Variants in GPC5 observed in about 807,000 individuals in gnomAD.
The protein encoded by GPC5 is glypican 5, also known as glypican-5.
GPC5 carries 47 observed loss-of-function variants against 53.9 expected under a neutral mutation model. That is an observed-to-expected ratio of 0.87 (90% CI 0.69 to 1.11). The LOEUF is 1.11. GPC5 is among the 50% of genes most tolerant of loss of function. GPC5 has a pLI of 0.00. For synonymous variants in GPC5, 286 were observed against 263.3 expected (o/e 1.09, Z -0.84); for missense variants, 748 against 713.1 (o/e 1.05, Z -0.56).
At chr13:92,727,073 T>C (rs891773777) in intron 7 of GPC5, among the ~76,000 whole-genome samples, 3 of 151,454 alleles carry the variant, frequency 2.0e-5, no homozygotes, top group Non-Finnish European at 4.4e-5. Context: ...ACAAAAGGCA[T>C]GGGATATCTG....
intron 7 of GPC5, among the ~76,000 whole-genome samples, chr13:92,167,861 C>T (rs1041795116): frequency 1.5e-4 from 19 of 125,820 alleles, no homozygotes; most frequent in Middle Eastern, 4.4e-3. Context: ...CAGTTTTCAA[C>T]TTAGGACCAA....
chr13:92,364,699 C>T (rs1307269953), intron 7 of GPC5, among the ~76,000 whole-genome samples: 2 of 151,778 alleles, frequency 1.3e-5, no homozygotes, highest in East Asian at 3.9e-4. Flanking sequence ...CACTGCACTC[C>T]AGTCTGGGTG....
At chr13:92,516,137 C>T (rs1880767636) in intron 7 of GPC5, among the ~76,000 whole-genome samples, 2 of 152,148 alleles carry the variant, frequency 1.3e-5, no homozygotes, top group African/African-American at 4.8e-5. Context: ...CTAATAGTAC[C>T]ATTTTGTTAG....
chr13:91,731,328 C>T (rs925428759), intron 4 of GPC5, among the ~76,000 whole-genome samples: 8 of 152,058 alleles, frequency 5.3e-5, no homozygotes, highest in East Asian at 1.9e-4. Flanking sequence ...GCCAAATAGG[C>T]GAGGTAAGTA....
At chr13:92,695,832 C>A (rs1887541136) in intron 7 of GPC5, among the ~76,000 whole-genome samples, 1 of 151,898 alleles carries the variant, frequency 6.6e-6, no homozygotes, top group African/African-American at 2.4e-5. Context: ...GGTATTTCTC[C>A]TGTTATTATC....
At chr13:91,857,882 A>G (rs1487645576) in intron 5 of GPC5, among the ~76,000 whole-genome samples, 1 of 151,578 alleles carries the variant, frequency 6.6e-6, no homozygotes, top group Non-Finnish European at 1.5e-5. Context: ...AGATCACTAT[A>G]TGGATTTGTC....
At chr13:91,797,335 C>A (rs985316052) in intron 5 of GPC5, among the ~76,000 whole-genome samples, 1 of 152,052 alleles carries the variant, frequency 6.6e-6, no homozygotes, top group Non-Finnish European at 1.5e-5. Context: ...AAAGTAGTGG[C>A]ATTTTTGTTG....
chr13:91,637,549 A>T (rs1374082619), intron 2 of GPC5, among the ~76,000 whole-genome samples: 1 of 152,222 alleles, frequency 6.6e-6, no homozygotes, highest in African/African-American at 2.4e-5. Flanking sequence ...GGAAAGAACA[A>T]GAAGTGATAG....
At chr13:92,655,403 C>T (rs1039299693) in intron 7 of GPC5, among the ~76,000 whole-genome samples, 1 of 151,858 alleles carries the variant, frequency 6.6e-6, no homozygotes, top group Non-Finnish European at 1.5e-5. Flanking sequence ...GGCACAATCT[C>T]GACTCACTGC....
In GPC5 at chr13:92,067,845, TA is replaced by T. The variant is rs1469539231; in HGVS notation, c.1402-76981del. On this transcript the variant is annotated intron_variant, in intron 6 of 7. Transcript: ENST00000377067. ...TAACCACATGTATAAACACACAGTA[TA>T]AAAGCACATATAAGGACATATACCA... 2.6e-5 allele frequency among the ~76,000 whole-genome samples: 4 copies of T among 152,100 alleles called. No homozygotes were observed. In the East Asian group the frequency reaches 7.7e-4, roughly 29 times the overall value.
At chr13:92,702,896 T>C (rs1288871048) in intron 7 of GPC5, among the ~76,000 whole-genome samples, 1 of 151,532 alleles carries the variant, frequency 6.6e-6, no homozygotes, top group Admixed American at 6.6e-5. Context: ...TCTCCTTGGC[T>C]CCCCCAACCC....
rs1353150150 is a variant in GPC5 at position 92,475,805 on chromosome 13, T to C, written c.1561+330816T>C. Among the ~76,000 whole-genome samples the C allele has an allele frequency of 5.3e-5, 8 of 152,118 alleles. 1 individual carries two copies. The highest frequency in any genetic ancestry group is 6.3e-3 in the Middle Eastern group (2 of 316). Reference sequence around the variant, plus strand: ...CAAGCAATGGGGAAAGGATTCCCTATTTAATAAATGGTGCTGGGAAAACTG... The same window carrying C: ...CAAGCAATGGGGAAAGGATTCCCTACTTAATAAATGGTGCTGGGAAAACTG... On this transcript the variant is annotated intron_variant, in intron 7 of 7. Transcript: ENST00000377067.
At chr13:92,383,066 A>G (rs2043763776) in intron 7 of GPC5, among the ~76,000 whole-genome samples, 1 of 151,934 alleles carries the variant, frequency 6.6e-6, no homozygotes, top group Non-Finnish European at 1.5e-5. Flanking sequence ...TAATTGCAAG[A>G]TAGCAGACAA....
At chr13:92,495,338 T>G (rs894383122) in intron 7 of GPC5, among the ~76,000 whole-genome samples, 1 of 152,202 alleles carries the variant, frequency 6.6e-6, no homozygotes, top group Non-Finnish European at 1.5e-5. Flanking sequence ...TTTCTGCTGG[T>G]ACTTTTCAAT....
intron 7 of GPC5, among the ~76,000 whole-genome samples, chr13:92,287,939 A>C (rs1010274308): frequency 1.3e-5 from 2 of 151,336 alleles, no homozygotes; most frequent in Non-Finnish European, 2.9e-5. Context: ...GGCTCTGTTC[A>C]TTTTCCTTCA....
At chr13:91,581,112 C>G (rs943871817) in intron 2 of GPC5, among the ~76,000 whole-genome samples, 3 of 152,202 alleles carry the variant, frequency 2.0e-5, no homozygotes, top group Non-Finnish European at 4.4e-5. Context: ...TTACCTCCCA[C>G]CAGGTCCCTC....
At chr13:92,230,345 A>G (rs1036608151) in intron 7 of GPC5, among the ~76,000 whole-genome samples, 2 of 152,220 alleles carry the variant, frequency 1.3e-5, no homozygotes, top group Admixed American at 1.3e-4. Context: ...AAAGTTAAAG[A>G]TAAAGGTAGT....
intron 7 of GPC5, among the ~76,000 whole-genome samples, chr13:92,645,992 A>G (rs1186530327): frequency 6.6e-6 from 1 of 152,010 alleles, no homozygotes; most frequent in African/African-American, 2.4e-5. Flanking sequence ...AATTTTCTTA[A>G]TGCTGATTTT....
chr13:92,778,966 TACAC>T (rs5805763), intron 7 of GPC5, among the ~76,000 whole-genome samples: 174 of 149,414 alleles, frequency 1.2e-3, no homozygotes, highest in African/African-American at 2.7e-3. Context: ...GTGCAAGATA[TACAC>T]ACACACACAC....
Sources: gnomAD v4.1 joint callset for allele counts (sites outside exome capture counted in the v4.1 genomes callset) on GRCh38, gnomAD v4.1.1 for gene constraint, MANE v1.5 for transcripts, NCBI Gene and HGNC (gene_info 2026-07-23, HGNC 2026-07-21) for gene names.